The following TANC2 variants were observed in gnomAD, a reference collection of about 807,000 sequenced individuals.
The protein encoded by TANC2 is tetratricopeptide repeat, ankyrin repeat and coiled-coil containing 2, also known as protein TANC2.
A neutral mutation model predicts 210.5 loss-of-function variants in TANC2; 26 were observed. The ratio of observed to expected loss-of-function variants is 0.12; its 90% confidence interval spans 0.09 to 0.17. TANC2 has a LOEUF of 0.17. Ranked by LOEUF, TANC2 falls within the 10% of genes least tolerant of loss-of-function variation. TANC2 has a pLI of 1.00. For synonymous variants in TANC2, 931 were observed against 967.1 expected (o/e 0.96, Z 0.69); for missense variants, 2,129 against 2,608.9 (o/e 0.82, Z 4.01).
At chr17:63,365,872 A>AT (rs1247454411) in intron 14 of TANC2, among the ~76,000 whole-genome samples, 3 of 152,058 alleles carry the variant, frequency 2.0e-5, no homozygotes, top group African/African-American at 7.3e-5. Flanking sequence ...TCTCTTAATC[A>AT]TAACATCCTT....
At chr17:63,267,175 T>C (rs2043555667) in intron 8 of TANC2, among the ~76,000 whole-genome samples, 1 of 152,196 alleles carries the variant, frequency 6.6e-6, no homozygotes, top group South Asian at 2.1e-4. Context: ...ATAAAATGGA[T>C]ACTCTAGTAT....
intron 5 of TANC2, among the ~76,000 whole-genome samples, chr17:63,178,679 C>T (rs2145631797): frequency 6.6e-6 from 1 of 152,284 alleles, no homozygotes; most frequent in East Asian, 1.9e-4. Context: ...TTAAATATGG[C>T]ACAGATTTCT....
At chr17:63,139,420 AT>A (rs2039207464) in intron 4 of TANC2, among the ~76,000 whole-genome samples, 2 of 152,026 alleles carry the variant, frequency 1.3e-5, no homozygotes, top group African/African-American at 4.8e-5. Context: ...GAGCTCAGGA[AT>A]TCCAGACCAT....
chr17:63,003,744 G>T (rs1158561647), intron 1 of TANC2, among the ~76,000 whole-genome samples: 1 of 152,032 alleles, frequency 6.6e-6, no homozygotes, highest in Non-Finnish European at 1.5e-5. Context: ...CCAGTTTGTG[G>T]CTTGCCTGTT....
intron 7 of TANC2, among the ~76,000 whole-genome samples, chr17:63,210,816 A>T (rs909378595): frequency 6.6e-6 from 1 of 152,166 alleles, no homozygotes; most frequent in Non-Finnish European, 1.5e-5. Context: ...TACTGTTTCT[A>T]TGTATTATGT....
chr17:63,082,039 C>T (rs2036794629), intron 3 of TANC2, among the ~76,000 whole-genome samples: 1 of 151,836 alleles, frequency 6.6e-6, no homozygotes, highest in East Asian at 1.9e-4. Flanking sequence ...GGCGTGGTGG[C>T]GGGCGCCTGT....
intron 4 of TANC2, among the ~76,000 whole-genome samples, chr17:63,102,889 G>T (rs1228244848): frequency 6.6e-6 from 1 of 152,104 alleles, no homozygotes; most frequent in Non-Finnish European, 1.5e-5. Context: ...TGAACATGTA[G>T]ATTTTTTTAT....
At chr17:63,331,400 G>T (rs2045836906) in intron 11 of TANC2, among the ~76,000 whole-genome samples, 1 of 152,172 alleles carries the variant, frequency 6.6e-6, no homozygotes, top group African/African-American at 2.4e-5. Context: ...ATAATTTCCA[G>T]AATAGCTTGA....
intron 4 of TANC2, among the ~76,000 whole-genome samples, chr17:63,112,932 G>A (rs1456991178): frequency 6.6e-6 from 1 of 152,072 alleles, no homozygotes; most frequent in African/African-American, 2.4e-5. Context: ...AACTCACCAT[G>A]ATTTATGCCA....
At chr17:63,265,473 CTA>C (rs951434345) in intron 8 of TANC2, among the ~76,000 whole-genome samples, 55 of 152,064 alleles carry the variant, frequency 3.6e-4, no homozygotes, top group African/African-American at 1.2e-3. Flanking sequence ...GAATTGGAAT[CTA>C]TATCTGTGAA....
intron 5 of TANC2, among the ~76,000 whole-genome samples, chr17:63,172,480 C>A (rs937518374): frequency 6.6e-6 from 1 of 151,992 alleles, no homozygotes; most frequent in Non-Finnish European, 1.5e-5. Flanking sequence ...CCGCCCCCGG[C>A]CATCACAGCA....
intron 13 of TANC2, among the ~76,000 whole-genome samples, chr17:63,354,512 A>T (rs942613903): frequency 5.3e-5 from 8 of 152,166 alleles, no homozygotes; most frequent in African/African-American, 1.9e-4. Context: ...TTATTTCAGG[A>T]GTGTTGTTTA....
intron 4 of TANC2, among the ~76,000 whole-genome samples, chr17:63,102,988 T>C (rs1184692613): frequency 6.6e-6 from 1 of 152,216 alleles, no homozygotes; most frequent in Non-Finnish European, 1.5e-5. Context: ...ATTTGAAGTA[T>C]ACAGAAATAT....
chr17:63,123,042 C>T (rs2038546835), intron 4 of TANC2, among the ~76,000 whole-genome samples: 1 of 152,222 alleles, frequency 6.6e-6, no homozygotes, highest in South Asian at 2.1e-4. Flanking sequence ...GATAACCTAA[C>T]ATGGTAGCCA....
chr17:63,021,198 C>T (rs887497216), intron 2 of TANC2, among the ~76,000 whole-genome samples: 6 of 152,178 alleles, frequency 3.9e-5, no homozygotes, highest in Admixed American at 1.3e-4. Flanking sequence ...TCATAATAAA[C>T]GATGTATGTG....
chr17:63,096,998 T>C (rs2037411205), intron 3 of TANC2, among the ~76,000 whole-genome samples: 1 of 152,134 alleles, frequency 6.6e-6, no homozygotes, highest in Non-Finnish European at 1.5e-5. Context: ...TGGCCATTTG[T>C]GTATCTTCTT....
In TANC2 at chr17:62,966,346, G is replaced by A. The variant is rs2031330056; in HGVS notation, c.-427G>A. ...CCGCCCGCCCGGCGGGGGAAGCTGC[G>A]AGCGCTCCGAGCGCCCGGCCTAGGG... On this transcript the variant is annotated 5_prime_UTR_variant, in exon 1 of 28. Coordinates refer to ENST00000689528, the Ensembl canonical transcript of TANC2. This position sits in a 1 kb window ranked among gnomAD's most constrained non-coding sequence, Gnocchi z 5.1. Among the ~76,000 whole-genome samples, 1 of 146,836 alleles carries A rather than the reference G, an allele frequency of 6.8e-6. No homozygotes were observed. Among genetic ancestry groups the A allele is most frequent in the Non-Finnish European group, 1.5e-5 (1 of 66,012 alleles).
chr17:63,329,700 G>A (rs944040342), intron 11 of TANC2, among the ~76,000 whole-genome samples: 4 of 152,178 alleles, frequency 2.6e-5, no homozygotes, highest in Non-Finnish European at 5.9e-5. Flanking sequence ...ATACCATGAA[G>A]ACAGCAAATT....
At chr17:63,002,527 A>C (rs970663214) in intron 1 of TANC2, among the ~76,000 whole-genome samples, 1 of 152,208 alleles carries the variant, frequency 6.6e-6, no homozygotes, top group African/African-American at 2.4e-5. Context: ...CTATTTAAGC[A>C]TGAATATCAT....
Sources: gnomAD v4.1 joint callset for allele counts (sites outside exome capture counted in the v4.1 genomes callset) on GRCh38, gnomAD v4.1.1 for gene constraint, Gnocchi (gnomAD v3.1) non-coding constraint, MANE v1.5 for transcripts, NCBI Gene and HGNC (gene_info 2026-07-23, HGNC 2026-07-21) for gene names.